MCM5: variants seen among roughly 807,000 people sequenced by gnomAD.
The protein encoded by MCM5 is minichromosome maintenance complex component 5, also known as DNA replication licensing factor MCM5.
MCM5 carries 46 observed loss-of-function variants against 79.9 expected under a neutral mutation model. That is an observed-to-expected ratio of 0.58 (90% CI 0.45 to 0.74). MCM5 has a LOEUF of 0.74. Ranked by LOEUF, MCM5 falls within the 30% of genes least tolerant of loss-of-function variation. The pLI, the probability that MCM5 is intolerant of heterozygous loss-of-function variation, is 0.00. For missense variants in MCM5, 883 were observed against 1,017.0 expected (o/e 0.87, Z 1.79); for synonymous variants, 404 against 390.5 (o/e 1.03, Z -0.41).
At chr22:35,407,456 C>T (rs1932251688) in intron 5 of MCM5, among the ~76,000 whole-genome samples, 1 of 152,192 alleles carries the variant, frequency 6.6e-6, no homozygotes. Flanking sequence ...ACTTCTTAGT[C>T]AAGTCCTGCA....
chr22:35,440,902 A>AG, the MCM5 span, among the ~76,000 whole-genome samples: 1 of 152,292 alleles, frequency 6.6e-6, no homozygotes, highest in East Asian at 1.9e-4. Flanking sequence ...TACTAAAAAA[A>AG]CAAAATTAGC....
the MCM5 span, among the ~76,000 whole-genome samples, chr22:35,440,254 C>A: frequency 1.5e-4 from 23 of 152,206 alleles, no homozygotes. Flanking sequence ...GAGAAAGAAG[C>A]CTGCGTCAGA....
At position 35,416,511 on chromosome 22, in the gene MCM5, CTGTGTGTGTGTGTGTGTGTGTGTGTG is replaced by C. The variant is rs133421; in HGVS notation, c.1414-91_1414-66del. ...AGTTCTCTTTGCCCAGGCCTAGAAT[CTGTGTGTGTGTGTGTGTGTGTGTGTG>C]TGTGTGTGTGTGTGTGTGTGTGTGT... On this transcript the variant is annotated intron_variant, in intron 11 of 16. Coordinates refer to ENST00000216122, the MANE Select transcript of MCM5 (RefSeq NM_006739.4). 564 of 1,024,222 alleles carry C rather than the reference CTGTGTGTGTGTGTGTGTGTGTGTGTG, an allele frequency of 5.5e-4. 3 individuals are homozygous for C. Among genetic ancestry groups the C allele is most frequent in the East Asian group, 2.7e-3 (91 of 34,056 alleles). 63.4% of individuals were successfully genotyped at this position (1,024,222 alleles called of 1,614,324 possible).
At chr22:35,413,055 T>C (rs1431830436) in intron 8 of MCM5, among the ~76,000 whole-genome samples, 1 of 152,086 alleles carries the variant, frequency 6.6e-6, no homozygotes, top group Non-Finnish European at 1.5e-5. Flanking sequence ...TCTTTGTTTT[T>C]TTTTTTTGAG....
At chr22:35,453,786 GAT>G in the MCM5 span, among the ~76,000 whole-genome samples, 51 of 139,018 alleles carry the variant, frequency 3.7e-4, no homozygotes, top group African/African-American at 1.4e-3. Flanking sequence ...GGAAGACAGA[GAT>G]AGAGACAAAA....
chr22:35,436,177 A>G, the MCM5 span, among the ~76,000 whole-genome samples: 165 of 130,554 alleles, frequency 1.3e-3, 1 homozygote, highest in Non-Finnish European at 2.6e-3. Context: ...AAAAAAAAAA[A>G]AAAAAAGAAA....
At chr22:35,414,714 C>T (rs1419140314) in intron 9 of MCM5, among the ~76,000 whole-genome samples, 3 of 152,140 alleles carry the variant, frequency 2.0e-5, no homozygotes, top group South Asian at 4.1e-4. Flanking sequence ...TTAGTCTTCA[C>T]CTCAACTGTG....
chr22:35,423,337 A>G lies in MCM5; in HGVS notation c.2099A>G (p.Lys700Arg). The G allele has an allele frequency of 6.3e-7, 1 of 1,599,694 alleles. No individual in the cohort carries two copies. The highest frequency in any genetic ancestry group is 8.5e-7 in the Non-Finnish European group (1 of 1,170,466). ...SEHSIIKDFT[K>R]QKYPEHAIHK... ...CACAGCATCATCAAGGACTTCACCA[A>G]GCAGGTGAGCCTGCCTTGGAGTGGG... Residue 700 changes from lysine to arginine, a missense_variant, in exon 16 of 17, where the codon AAG becomes AGG. Lys to Arg is a conservative substitution (Grantham distance 26, BLOSUM62 2). Around this residue, in one of 3 missense-constraint regions of MCM5, gnomAD observed 426 missense variants for 482.3 expected, o/e 0.88. Transcript: ENST00000216122.
At chr22:35,421,504 C>T (rs762807717) in intron 15 of MCM5, 44 bp downstream of exon 15, 2 of 1,612,878 alleles carry the variant, frequency 1.2e-6, no homozygotes, top group Non-Finnish European at 1.7e-6. Context: ...TCTGGGTTCC[C>T]TGGCTCGGAG....
the MCM5 span, among the ~76,000 whole-genome samples, chr22:35,438,653 AT>A: frequency 0.014 from 523 of 38,718 alleles, no homozygotes; most frequent in African/African-American, 0.018. Flanking sequence ...CCATCCATCC[AT>A]CCGTCCATCC....
At chr22:35,410,610 C>G in intron 6 of MCM5, 134 bp from the exon 7 acceptor site, 1 of 831,164 alleles carries the variant, frequency 1.2e-6, no homozygotes, top group Non-Finnish European at 2.1e-6. Flanking sequence ...GGGGCTGGAG[C>G]CAGCTCAGCA....
Position 35,403,309 on chromosome 22 carries a change from G to T in MCM5, c.270G>T (p.Lys90Asn). The change falls in exon 3 of 17, where the codon AAG (lysine) becomes AAT (asparagine). Residue 90 changes from lysine (K) to asparagine (N), a missense_variant. Physicochemically the swap from Lys to Asn is moderately conservative, Grantham distance 94. Coordinates refer to ENST00000216122, the MANE Select transcript of MCM5 (RefSeq NM_006739.4). ...FDEDLADYLY[K>N]QPAEHLQLLE... ...AGGACCTGGCCGACTACTTGTACAA[G>T]CAGCCAGCCGAGCACCTGCAGCTGG... 1 of 1,614,162 alleles carries T rather than the reference G, an allele frequency of 6.2e-7. No homozygotes were observed. The highest frequency in any genetic ancestry group is 1.1e-5 in the South Asian group (1 of 91,092).
At chr22:35,450,835 C>T in the MCM5 span, among the ~76,000 whole-genome samples, 5 of 152,192 alleles carry the variant, frequency 3.3e-5, no homozygotes, top group African/African-American at 1.2e-4. Context: ...GACTCCAAAA[C>T]CAGCACTCTG....
the MCM5 span, among the ~76,000 whole-genome samples, chr22:35,449,022 ACACCC>A: frequency 1.3e-5 from 2 of 152,166 alleles, no homozygotes; most frequent in African/African-American, 4.8e-5. Flanking sequence ...GTGGGAAAGG[ACACCC>A]TGCCTCTGGT....
chr22:35,422,648 G>C (rs1932725779), intron 15 of MCM5: 1 of 152,224 alleles, frequency 6.6e-6, no homozygotes, highest in African/African-American at 2.4e-5. Flanking sequence ...TATGGGCTAT[G>C]TAGGAGTTTG....
chr22:35,405,846 C>T (rs1233062471), intron 4 of MCM5, among the ~76,000 whole-genome samples: 2 of 151,632 alleles, frequency 1.3e-5, no homozygotes, highest in East Asian at 2.0e-4. Context: ...CCCGTCTCTA[C>T]TAAAAATACA....
chr22:35,440,915 G>T, the MCM5 span, among the ~76,000 whole-genome samples: 1 of 152,220 alleles, frequency 6.6e-6, no homozygotes, highest in Admixed American at 6.5e-5. Flanking sequence ...AAATTAGCCG[G>T]GTGTGGTGGC....
In MCM5 at chr22:35,403,220, C is replaced by T. The variant is rs118180933; in HGVS notation, c.181C>T (p.Arg61Trp). The T allele has an allele frequency of 2.7e-5, 44 of 1,614,102 alleles. No homozygotes were observed. Among genetic ancestry groups the T allele is most frequent in the Non-Finnish European group, 3.6e-5 (42 of 1,180,020 alleles). ...FTFKYRDELKRHYNLGEYWIE... is the reference protein window; with the variant it reads ...FTFKYRDELKWHYNLGEYWIE... ...TGCCCACTCCAGGGATGAACTCAAG[C>T]GGCATTACAACCTGGGGGAGTACTG... Residue 61 changes from arginine (R) to tryptophan (W), a missense_variant, in exon 3 of 17, where the codon CGG becomes TGG. Physicochemically the swap from Arg to Trp is moderately radical, Grantham distance 101. Around this residue, in one of 3 missense-constraint regions of MCM5, gnomAD observed 455 missense variants for 517.5 expected, o/e 0.88. Transcript: ENST00000216122.
the MCM5 span, among the ~76,000 whole-genome samples, chr22:35,446,727 C>T: frequency 2.6e-5 from 4 of 152,184 alleles, no homozygotes; most frequent in Non-Finnish European, 4.4e-5. Flanking sequence ...TCCAGATTGG[C>T]TTCTCCTCTA....
Sources: gnomAD v4.1 joint callset for allele counts (sites outside exome capture counted in the v4.1 genomes callset) on GRCh38, gnomAD v4.1.1 for gene constraint, gnomAD v4.1.1 regional missense constraint, MANE v1.5 for transcripts, NCBI Gene and HGNC (gene_info 2026-07-23, HGNC 2026-07-21) for gene names.